PLEKHB2: variants seen among roughly 807,000 people sequenced by gnomAD.
PLEKHB2 encodes pleckstrin homology domain containing B2.
A neutral mutation model predicts 36.5 loss-of-function variants in PLEKHB2; 31 were observed. That is an observed-to-expected ratio of 0.85 (90% CI 0.64 to 1.15). PLEKHB2 has a LOEUF of 1.15. PLEKHB2 is among the 50% of genes most tolerant of loss of function. The pLI is 0.00. For missense variants in PLEKHB2, 262 were observed against 295.3 expected, an observed-to-expected ratio of 0.89 and a Z score of 0.83; for synonymous variants, 119 against 112.0, an observed-to-expected ratio of 1.06 and a Z score of -0.39.
At chr2:131,131,556 A>G (rs1489096215) in intron 5 of PLEKHB2, among the ~76,000 whole-genome samples, 5 of 152,104 alleles carry the variant, frequency 3.3e-5, no homozygotes, top group Admixed American at 6.6e-5. Flanking sequence ...CATTCTTTAG[A>G]TGGGATTTTT....
At chr2:131,122,425 G>A (rs1696613648) in intron 2 of PLEKHB2, among the ~76,000 whole-genome samples, 1 of 152,178 alleles carries the variant, frequency 6.6e-6, no homozygotes, top group African/African-American at 2.4e-5. Context: ...TTTAGCTAAA[G>A]TCAAGTCTAC....
At chr2:131,142,745 A>T (rs1452792354) in intron 7 of PLEKHB2, among the ~76,000 whole-genome samples, 2 of 151,700 alleles carry the variant, frequency 1.3e-5, no homozygotes, top group Admixed American at 6.6e-5. Context: ...TTTAGTAGAG[A>T]TGGTTTCACC....
rs776825549 is a variant in PLEKHB2 at position 131,120,959 on chromosome 2, T to C, written c.18T>C (p.Ser6=). The C allele has an allele frequency of 7.4e-6, 12 of 1,614,182 alleles. No homozygotes were observed. The South Asian group carries it at 1.1e-4, about 15-fold the overall frequency. Residue 6 remains serine (S), a synonymous_variant, in exon 2 of 8, where the codon AGT becomes AGC. Coordinates refer to ENST00000693505, the MANE Select transcript of PLEKHB2 (RefSeq NM_001100623.2). MAFVK[S]GWLLRQSTIL... ...GTGAAGAGATGGCGTTTGTGAAGAGTGGCTGGTTGCTGCGACAGAGTGAGT... is the reference window on the plus strand; with the variant it reads ...GTGAAGAGATGGCGTTTGTGAAGAGCGGCTGGTTGCTGCGACAGAGTGAGT...
chr2:131,131,679 TCTTC>T (rs528653521), intron 5 of PLEKHB2, among the ~76,000 whole-genome samples: 1 of 152,140 alleles, frequency 6.6e-6, no homozygotes, highest in East Asian at 1.9e-4. Flanking sequence ...GTCAGTGTTC[TCTTC>T]CTTTGTTAGC....
Position 131,146,310 on chromosome 2 carries a change from C to G in PLEKHB2, c.533-327C>G, listed in dbSNP as rs537107412. ...GGCTTTTGTTGGGCACTGTGTGTCT[C>G]CCATGTTCCCCATTTGTCTGCCACC... On this transcript the variant is annotated intron_variant, in intron 7 of 7. Coordinates refer to ENST00000693505, the MANE Select transcript of PLEKHB2 (RefSeq NM_001100623.2). Among the ~76,000 whole-genome samples, 38 of 152,280 alleles carry G rather than the reference C, an allele frequency of 2.5e-4. 2 individuals are homozygous for G. The South Asian group carries it at 3.7e-3, about 15-fold the overall frequency.
Position 131,146,881 on chromosome 2 carries a change from A to C in PLEKHB2, c.*108A>C. On this transcript the variant is annotated 3_prime_UTR_variant, in exon 8 of 8. Coordinates refer to ENST00000693505, the MANE Select transcript of PLEKHB2 (RefSeq NM_001100623.2). The stretch of plus-strand genomic sequence containing the variant: ...AAAGTTTTTAATAATAGTTTTAATC[A>C]TTCCTTTGAAAGTAGTGATGTCATA... 2.1e-6 allele frequency: 2 copies of C among 942,394 alleles called. No individual in the cohort carries two copies. The highest frequency in any genetic ancestry group is 3.2e-6 in the Non-Finnish European group (2 of 630,862). 58.4% of individuals were successfully genotyped at this position (942,394 alleles called of 1,614,324 possible).
At chr2:131,140,645 G>A (rs181362829) in intron 7 of PLEKHB2, among the ~76,000 whole-genome samples, 11 of 152,330 alleles carry the variant, frequency 7.2e-5, no homozygotes, top group Non-Finnish European at 1.3e-4. Context: ...TCACTACTGA[G>A]GTGATGTTCT....
At chr2:131,141,890 A>G (rs946072024) in intron 7 of PLEKHB2, among the ~76,000 whole-genome samples, 1 of 152,246 alleles carries the variant, frequency 6.6e-6, no homozygotes, top group Non-Finnish European at 1.5e-5. Context: ...CACTTCTAAT[A>G]TTAACCATTG....
At chr2:131,137,848 T>C (rs1487785617) in intron 6 of PLEKHB2, among the ~76,000 whole-genome samples, 3 of 152,084 alleles carry the variant, frequency 2.0e-5, no homozygotes, top group Non-Finnish European at 4.4e-5. Context: ...GGGATTATCC[T>C]GTTTGGTATT....
intron 1 of PLEKHB2, among the ~76,000 whole-genome samples, chr2:131,117,653 T>C (rs1300385138): frequency 6.6e-6 from 1 of 152,198 alleles, no homozygotes; most frequent in East Asian, 1.9e-4. Flanking sequence ...ACATTATGGA[T>C]GCAGGAAGCT....
At chr2:131,127,232 C>G (rs1426799595) in intron 4 of PLEKHB2, among the ~76,000 whole-genome samples, 4 of 152,168 alleles carry the variant, frequency 2.6e-5, no homozygotes, top group African/African-American at 9.7e-5. Context: ...TCAGCAGATC[C>G]TTGCTCCCTC....
At chr2:131,132,804 T>A (rs1697842491) in intron 5 of PLEKHB2, 98 bp from the exon 6 acceptor site, 8 of 728,030 alleles carry the variant, frequency 1.1e-5, no homozygotes, top group African/African-American at 1.8e-5. Context: ...TTTGTTTTTT[T>A]AAATTTTTAA....
intron 7 of PLEKHB2, among the ~76,000 whole-genome samples, chr2:131,140,704 T>C (rs1009713427): frequency 3.3e-5 from 5 of 152,232 alleles, no homozygotes; most frequent in Non-Finnish European, 7.3e-5. Context: ...TATTCTGGGC[T>C]TGGAGTCTGT....
chr2:131,136,146 C>CACTGTGCCCGGCCTCTTTTTACTTTTTT (rs1698222489), intron 6 of PLEKHB2, among the ~76,000 whole-genome samples: 3 of 150,554 alleles, frequency 2.0e-5, no homozygotes, highest in African/African-American at 7.4e-5. Context: ...GCTTGCCTGC[C>CACTGTGCCCGGCCTCTTTTTACTTTTTT]TGTCTTCCTG....
chr2:131,144,118 C>T (rs986836134), intron 7 of PLEKHB2, among the ~76,000 whole-genome samples: 2 of 152,146 alleles, frequency 1.3e-5, no homozygotes, highest in Non-Finnish European at 2.9e-5. Flanking sequence ...CAGATGGGTG[C>T]TTTGCCACCT....
Position 131,140,208 on chromosome 2 carries a change from A to G in PLEKHB2, c.465A>G (p.Pro155=), listed in dbSNP as rs1698645655. 1.9e-6 allele frequency: 3 copies of G among 1,613,732 alleles called. No homozygotes were observed. The highest frequency in any genetic ancestry group is 2.5e-6 in the Non-Finnish European group (3 of 1,179,750). ...GYGPYGGAYP[P]GTQVVYAANG... ...GGCCATACGGTGGTGCGTACCCGCC[A>G]GGAACTCAAGTTGTCTACGCTGCGA... The change falls in exon 7 of 8, where the codon CCA becomes CCG. Residue 155 remains proline (P), a synonymous_variant. Transcript: ENST00000693505.
chr2:131,146,548 C>T, intron 7 of PLEKHB2, 89 bp from the exon 8 acceptor site: 2 of 1,357,858 alleles, frequency 1.5e-6, no homozygotes, highest in East Asian at 2.4e-5. Context: ...GACAGCAGAT[C>T]CCTTTTGTGA....
intron 7 of PLEKHB2, 132 bp from the exon 8 acceptor site, chr2:131,146,505 G>A: frequency 1.2e-6 from 1 of 845,024 alleles, no homozygotes; most frequent in South Asian, 1.9e-5. Flanking sequence ...TGTGCCTGTT[G>A]TGGAGGAGGG....
rs146981779 is a variant in PLEKHB2 at position 131,134,279 on chromosome 2, C to T, written c.423+1288C>T. Among the ~76,000 whole-genome samples the T allele has an allele frequency of 4.6e-3, 699 of 151,720 alleles. 5 individuals are homozygous for T. Among genetic ancestry groups the T allele is most frequent in the African/African-American group, 0.016 (657 of 41,356 alleles). ...TCGGCTCACCACAACCTCCACCTCC[C>T]GGGTTCAAGCGGTTCTCCTGCCTCA... On this transcript the variant is annotated intron_variant, in intron 6 of 7. Transcript: ENST00000693505.
Sources: allele counts gnomAD v4.1 joint callset (sites outside exome capture counted in the v4.1 genomes callset), GRCh38; gene constraint gnomAD v4.1.1; transcripts MANE v1.5; gene names NCBI Gene and HGNC (gene_info 2026-07-23, HGNC 2026-07-21).